Variants in VWA3B observed in about 807,000 individuals in gnomAD.
VWA3B encodes von Willebrand factor A domain containing 3B, also known as von Willebrand factor A domain-containing protein 3B.
In VWA3B, 138 loss-of-function variants were observed where a neutral mutation model predicts 158.3. The observed-to-expected ratio is 0.87, with a 90% CI of 0.76 to 1.00. The LOEUF (loss-of-function observed/expected upper bound fraction) is 1.00. Ranked by LOEUF, VWA3B falls within the 50% of genes least tolerant of loss-of-function variation. VWA3B has a pLI of 0.00. For missense variants in VWA3B, 1,555 were observed against 1,565.1 expected (o/e 0.99, Z 0.11); for synonymous variants, 596 against 587.3 (o/e 1.01, Z -0.21).
chr2:98,206,150 C>T, intron 12 of VWA3B: 1 of 152,454 alleles, frequency 6.6e-6, no homozygotes, highest in Non-Finnish European at 1.5e-5. Flanking sequence ...CAAACTCTAC[C>T]ATGTTGAGTT....
chr2:98,304,521 C>T (rs1296427805), intron 26 of VWA3B, among the ~76,000 whole-genome samples: 1 of 152,154 alleles, frequency 6.6e-6, no homozygotes, highest in East Asian at 1.9e-4. Flanking sequence ...CCTTCATTCT[C>T]CTAATGGCCT....
Position 98,212,017 on chromosome 2 carries a change from A to C in VWA3B, c.1825A>C (p.Arg609=), listed in dbSNP as rs765241494. The C allele has an allele frequency of 1.9e-6, 3 of 1,614,008 alleles. No individual in the cohort carries two copies. The highest frequency in any genetic ancestry group is 2.5e-6 in the Non-Finnish European group (3 of 1,179,912). The change falls in exon 13 of 28, where the codon AGA becomes CGA. Residue 609 remains arginine (R), a synonymous_variant. Coordinates refer to ENST00000477737, the MANE Select transcript of VWA3B (RefSeq NM_144992.5). ...TQAIYLLTDG[R]PDQPPETVID... is the part of the protein sequence containing the mutation. The stretch of plus-strand genomic sequence containing the variant: ...GGCAATCTACCTTCTGACCGATGGG[A>C]GACCTGATCAGGTACTTACCAGAGC...
chr2:98,315,921 A>C (rs1413968969), downstream of VWA3B, among the ~76,000 whole-genome samples: 1 of 152,258 alleles, frequency 6.6e-6, no homozygotes, highest in African/African-American at 2.4e-5. Flanking sequence ...ATATGTTGAT[A>C]GTGAAAAACC....
At chr2:98,196,475 CA>C (rs1201708863) in intron 12 of VWA3B, among the ~76,000 whole-genome samples, 1 of 152,164 alleles carries the variant, frequency 6.6e-6, no homozygotes, top group Non-Finnish European at 1.5e-5. Context: ...GTCCAGTAGT[CA>C]ACCCGGTAGC....
chr2:98,217,103 G>A, intron 13 of VWA3B: 1 of 610,418 alleles, frequency 1.6e-6, no homozygotes, highest in Non-Finnish European at 2.4e-6. Context: ...GGCAGAGGGA[G>A]CTCCATCCCT....
intron 7 of VWA3B, among the ~76,000 whole-genome samples, chr2:98,155,130 G>A (rs75824489): frequency 0.086 from 13,044 of 152,248 alleles, 739 homozygotes; most frequent in Non-Finnish European, 0.13. Context: ...GGCCATCCCC[G>A]TGGGTGACAG....
At chr2:98,240,485 C>A (rs777386512) in intron 19 of VWA3B, among the ~76,000 whole-genome samples, 1 of 152,144 alleles carries the variant, frequency 6.6e-6, no homozygotes, top group African/African-American at 2.4e-5. Context: ...TGGCTGGACC[C>A]AAAGGGTATG....
chr2:98,321,073 G>A, the VWA3B span, among the ~76,000 whole-genome samples: 5 of 152,230 alleles, frequency 3.3e-5, no homozygotes, highest in African/African-American at 1.2e-4. Flanking sequence ...CTTCAGCCAT[G>A]AGGTCAGTGT....
rs374820610 is a variant in VWA3B at position 98,169,975 on chromosome 2, G to T, written c.1114+6999G>T. On this transcript the variant is annotated intron_variant, in intron 8 of 27. Transcript: ENST00000477737. ...CTCAACAAAAAAAATGTGAAAATTAGCCAGGCATGATGGTGCGCACCTGTA... is the reference window on the plus strand; with the variant it reads ...CTCAACAAAAAAAATGTGAAAATTATCCAGGCATGATGGTGCGCACCTGTA... 4.1e-4 allele frequency among the ~76,000 whole-genome samples: 62 copies of T among 152,124 alleles called. No individual in the cohort carries two copies. In the South Asian group the frequency reaches 0.013, roughly 32 times the overall value.
chr2:98,182,472 A>T (rs1381616271), intron 9 of VWA3B, among the ~76,000 whole-genome samples: 1 of 152,224 alleles, frequency 6.6e-6, no homozygotes, highest in Non-Finnish European at 1.5e-5. Context: ...TGCAGAATTG[A>T]TGCACGACTT....
At chr2:98,264,166 G>C (rs1392687159) in intron 21 of VWA3B, among the ~76,000 whole-genome samples, 1 of 149,462 alleles carries the variant, frequency 6.7e-6, no homozygotes, top group African/African-American at 2.5e-5. Context: ...CAATTTTGTA[G>C]GTCTTTTCAA....
intron 23 of VWA3B, chr2:98,291,119 C>T (rs773612280): frequency 9.6e-4 from 148 of 154,628 alleles, no homozygotes; most frequent in Non-Finnish European, 1.4e-3. Context: ...ATGAAGAGCT[C>T]CTGGGGAAGG....
At chr2:98,217,775 G>T in intron 13 of VWA3B, 71 bp from the exon 14 acceptor site, 1 of 1,406,766 alleles carries the variant, frequency 7.1e-7, no homozygotes, top group South Asian at 1.5e-5. Flanking sequence ...AAATACTAAG[G>T]ATTTTCATAT....
chr2:98,271,575 A>G (rs1207008624), intron 22 of VWA3B, among the ~76,000 whole-genome samples: 3 of 152,138 alleles, frequency 2.0e-5, no homozygotes, highest in Non-Finnish European at 4.4e-5. Context: ...TTGAATTGTC[A>G]GATTCATATG....
At chr2:98,100,454 C>T (rs1212279840) in intron 2 of VWA3B, among the ~76,000 whole-genome samples, 1 of 152,264 alleles carries the variant, frequency 6.6e-6, no homozygotes, top group African/African-American at 2.4e-5. Context: ...TCCATGGCCA[C>T]TGAGGCTAGT....
intron 2 of VWA3B, among the ~76,000 whole-genome samples, chr2:98,112,283 T>A (rs746249540): frequency 6.0e-5 from 2 of 33,060 alleles, no homozygotes; most frequent in African/African-American, 1.6e-3. Flanking sequence ...CTGTTTGGGG[T>A]GTGTGTGTGT....
At chr2:98,264,655 C>G (rs1687682935) in intron 21 of VWA3B, among the ~76,000 whole-genome samples, 2 of 151,954 alleles carry the variant, frequency 1.3e-5, no homozygotes, top group South Asian at 4.2e-4. Flanking sequence ...GAGAATATTC[C>G]ATGTGTACTT....
chr2:98,124,274 G>A (rs1197194050), intron 5 of VWA3B, among the ~76,000 whole-genome samples: 2 of 152,210 alleles, frequency 1.3e-5, no homozygotes, highest in Non-Finnish European at 1.5e-5. Flanking sequence ...TGTGTTTGAG[G>A]GGAAGATGTG....
chr2:98,312,222 C>T lies in VWA3B; in HGVS notation c.3758C>T (p.Ala1253Val), dbSNP rs913110591. The change falls in exon 28 of 28, where the codon GCG (alanine) becomes GTG (valine). Residue 1253 changes from alanine (A) to valine (V), a missense_variant. By Grantham distance (64) the Ala-to-Val change is moderately conservative. Transcript: ENST00000477737. ...EPRTAHLHFPAAGRLGLSSHA... is the reference protein window; with the variant it reads ...EPRTAHLHFPVAGRLGLSSHA... ...CAGACAGCCCACCTCCACTTCCCCG[C>T]GGCCGGGCGTCTAGGACTCAGCAGC... 4 of 1,614,072 alleles carry T rather than the reference C, an allele frequency of 2.5e-6. No individual in the cohort carries two copies. The African/African-American group carries it at 4.0e-5, about 16-fold the overall frequency.
Sources: allele counts gnomAD v4.1 joint callset (sites outside exome capture counted in the v4.1 genomes callset), GRCh38; gene constraint gnomAD v4.1.1; transcripts MANE v1.5; gene names NCBI Gene and HGNC (gene_info 2026-07-23, HGNC 2026-07-21).